The following CDK19 variants were observed in gnomAD, a reference collection of about 807,000 sequenced individuals.
The protein encoded by CDK19 is cyclin-dependent kinase 19.
Under a neutral mutation model 68.3 loss-of-function variants are expected in CDK19, and 20 were observed. The ratio of observed to expected loss-of-function variants is 0.29; its 90% CI spans 0.21 to 0.43. The LOEUF is 0.43. Among genes scored for constraint, CDK19 ranks in the 20% least tolerant of loss-of-function variants. CDK19 has a pLI of 1.00. For missense variants in CDK19, 339 were observed against 623.5 expected, an observed-to-expected ratio of 0.54 and a Z score of 4.86; for synonymous variants, 221 against 222.8, an observed-to-expected ratio of 0.99 and a Z score of 0.07.
chr6:110,634,789 T>C (rs900994310), intron 5 of CDK19, among the ~76,000 whole-genome samples: 1 of 152,236 alleles, frequency 6.6e-6, no homozygotes, highest in African/African-American at 2.4e-5. Flanking sequence ...AGTAATATGA[T>C]GGAATGCTGT....
chr6:110,809,003 T>C (rs1394098545), intron 1 of CDK19, among the ~76,000 whole-genome samples: 4 of 150,378 alleles, frequency 2.7e-5, no homozygotes, highest in African/African-American at 9.8e-5. Context: ...TCAGGAGATT[T>C]AGACCATCCT....
At chr6:110,751,951 T>C (rs992301767) in intron 1 of CDK19, among the ~76,000 whole-genome samples, 1 of 152,156 alleles carries the variant, frequency 6.6e-6, no homozygotes, top group Admixed American at 6.5e-5. Context: ...ATCAATGTTG[T>C]ATCCCTTTCC....
chr6:110,695,050 G>C (rs1582882577), intron 2 of CDK19, among the ~76,000 whole-genome samples: 1 of 152,260 alleles, frequency 6.6e-6, no homozygotes, highest in East Asian at 1.9e-4. Flanking sequence ...CCAGGACACA[G>C]AGGTTGCAGT....
At chr6:110,643,098 C>T (rs1305691311) in intron 4 of CDK19, 2 of 805,160 alleles carry the variant, frequency 2.5e-6, no homozygotes, top group Non-Finnish European at 3.4e-6. Context: ...GAGCCTGCTA[C>T]CCCACAATCA....
intron 4 of CDK19, among the ~76,000 whole-genome samples, chr6:110,647,045 C>G (rs1399070974): frequency 2.0e-5 from 3 of 152,010 alleles, no homozygotes; most frequent in Non-Finnish European, 4.4e-5. Flanking sequence ...CTTCACCCAC[C>G]ACGACCCGAC....
chr6:110,745,738 G>A (rs1778030707), intron 2 of CDK19, among the ~76,000 whole-genome samples: 1 of 152,082 alleles, frequency 6.6e-6, no homozygotes, highest in Non-Finnish European at 1.5e-5. Flanking sequence ...AGGCCACGGA[G>A]AGAGGATCAT....
chr6:110,654,952 A>AAAAG (rs940803760), intron 4 of CDK19, among the ~76,000 whole-genome samples: 10 of 152,122 alleles, frequency 6.6e-5, no homozygotes, highest in Non-Finnish European at 1.3e-4. Context: ...CAAAAAAAAA[A>AAAAG]AAAGAAAGAA....
At chr6:110,691,528 C>G (rs1252701682) in intron 2 of CDK19, among the ~76,000 whole-genome samples, 2 of 151,932 alleles carry the variant, frequency 1.3e-5, no homozygotes, top group Non-Finnish European at 2.9e-5. Context: ...ACATGTAATC[C>G]CAGAACTTTG....
At chr6:110,698,685 T>A (rs544441464) in intron 2 of CDK19, among the ~76,000 whole-genome samples, 1 of 152,248 alleles carries the variant, frequency 6.6e-6, no homozygotes, top group Middle Eastern at 3.4e-3. Flanking sequence ...AGTCATTATA[T>A]CAAAGGCAGC....
intron 4 of CDK19, among the ~76,000 whole-genome samples, chr6:110,652,440 T>C (rs1228051437): frequency 3.9e-5 from 6 of 152,232 alleles, no homozygotes; most frequent in African/African-American, 9.6e-5. Context: ...TTAGTGAGAA[T>C]GGGATCTCTA....
intron 1 of CDK19, among the ~76,000 whole-genome samples, chr6:110,777,756 C>T (rs763157910): frequency 1.5e-4 from 23 of 152,172 alleles, no homozygotes; most frequent in South Asian, 2.1e-4. Flanking sequence ...CTTCCCTTAA[C>T]GGATGAGTGG....
At chr6:110,701,195 C>T (rs1773971123) in intron 2 of CDK19, among the ~76,000 whole-genome samples, 1 of 150,434 alleles carries the variant, frequency 6.6e-6, no homozygotes, top group South Asian at 2.1e-4. Flanking sequence ...CAGAGCGAGA[C>T]TCCATCTCAA....
intron 5 of CDK19, among the ~76,000 whole-genome samples, chr6:110,632,806 G>C (rs1055101872): frequency 6.6e-6 from 1 of 152,116 alleles, no homozygotes; most frequent in Non-Finnish European, 1.5e-5. Flanking sequence ...TTAGAATCCA[G>C]GTCTGACTTT....
At chr6:110,673,179 A>G (rs934102945) in intron 2 of CDK19, among the ~76,000 whole-genome samples, 2 of 152,200 alleles carry the variant, frequency 1.3e-5, no homozygotes, top group African/African-American at 4.8e-5. Context: ...TGTAGCTCAT[A>G]TAAGTGGAAC....
chr6:110,703,493 G>A, intron 2 of CDK19, among the ~76,000 whole-genome samples: 1 of 151,998 alleles, frequency 6.6e-6, no homozygotes, highest in Admixed American at 6.6e-5. Context: ...AAAATTCAGA[G>A]GCAAAACTCT....
At chr6:110,805,988 AAAGT>A (rs1485213673) in intron 1 of CDK19, among the ~76,000 whole-genome samples, 36 of 151,822 alleles carry the variant, frequency 2.4e-4, no homozygotes, top group African/African-American at 5.6e-4. Flanking sequence ...AAAAAAAAAA[AAAGT>A]AAGTAACTTG....
intron 2 of CDK19, among the ~76,000 whole-genome samples, chr6:110,719,211 CG>C (rs1404318167): frequency 5.3e-5 from 8 of 152,122 alleles, no homozygotes; most frequent in Admixed American, 4.6e-4. Context: ...AGGCCAGGTG[CG>C]GTAGCCCATG....
At chr6:110,701,651 AAT>A (rs148209694) in intron 2 of CDK19, among the ~76,000 whole-genome samples, 4,036 of 152,310 alleles carry the variant, frequency 0.026, 81 homozygotes, top group South Asian at 0.084. Context: ...AATAGTCAAA[AAT>A]TATCTAACAA....
intron 2 of CDK19, among the ~76,000 whole-genome samples, chr6:110,697,293 T>A (rs1031853080): frequency 6.6e-6 from 1 of 151,670 alleles, no homozygotes; most frequent in African/African-American, 2.4e-5. Context: ...AAGTTTCAAA[T>A]TACAAGATCA....
Sources: gnomAD v4.1 joint callset for allele counts (sites outside exome capture counted in the v4.1 genomes callset) on GRCh38, gnomAD v4.1.1 for gene constraint, MANE v1.5 for transcripts, NCBI Gene and HGNC (gene_info 2026-07-23, HGNC 2026-07-21) for gene names.